KCTD8: variants seen among roughly 807,000 people sequenced by gnomAD.
The protein encoded by KCTD8 is BTB/POZ domain-containing protein KCTD8.
KCTD8 carries 27 observed loss-of-function variants against 31.5 expected under a neutral mutation model. The ratio of observed to expected loss-of-function variants is 0.86; its 90% CI spans 0.63 to 1.18. KCTD8 has a LOEUF of 1.18. Among genes scored for constraint, KCTD8 ranks in the 50% most tolerant of loss-of-function variants. KCTD8 has a pLI of 0.00. For missense variants in KCTD8, 658 were observed against 647.7 expected, an observed-to-expected ratio of 1.02 and a Z score of -0.17; for synonymous variants, 290 against 280.0, an observed-to-expected ratio of 1.04 and a Z score of -0.36.
intron 1 of KCTD8, among the ~76,000 whole-genome samples, chr4:44,175,867 T>C (rs1352205849): frequency 6.6e-6 from 1 of 152,226 alleles, no homozygotes; most frequent in Non-Finnish European, 1.5e-5. Context: ...CTATAAGATA[T>C]ATAGGGGCCT....
At chr4:44,308,840 T>C (rs1717876400) in intron 1 of KCTD8, among the ~76,000 whole-genome samples, 1 of 152,070 alleles carries the variant, frequency 6.6e-6, no homozygotes. Context: ...CCATATATCT[T>C]TTACAGTATA....
rs114633948 is a variant in KCTD8, at chr4:44,243,978, C to T, written c.962-68728G>A. ...CCTCCAGCCTTGCAGTAATGGACTT[C>T]GGAAGATGGCTTCACTTTACTCCCC... On this transcript the variant is annotated intron_variant, in intron 1 of 1. Coordinates refer to ENST00000360029, the MANE Select transcript of KCTD8 (RefSeq NM_198353.3). Among the ~76,000 whole-genome samples the T allele has an allele frequency of 3.5e-3, 528 of 152,262 alleles. 4 individuals are homozygous for T. Among genetic ancestry groups the T allele is most frequent in the African/African-American group, 0.012 (488 of 41,546 alleles).
chr4:44,194,567 T>C lies in KCTD8; in HGVS notation c.962-19317A>G, dbSNP rs1049233715. 6.6e-5 allele frequency among the ~76,000 whole-genome samples: 10 copies of C among 152,306 alleles called. No homozygotes were observed. The East Asian group carries it at 1.9e-3, about 29-fold the overall frequency. On this transcript the variant is annotated intron_variant, in intron 1 of 1. Coordinates refer to ENST00000360029, the MANE Select transcript of KCTD8 (RefSeq NM_198353.3). ...CAGAGTATGCTTCTGGTATGACTCA[T>C]GTGACTCATAACTTTCCTTGAAGTG...
rs955340645 is a variant in KCTD8 at position 44,399,324 on chromosome 4, A to T, written c.961+48239T>A. 2.0e-5 allele frequency among the ~76,000 whole-genome samples: 3 copies of T among 152,198 alleles called. No individual in the cohort carries two copies. The South Asian group carries it at 6.2e-4, about 31-fold the overall frequency. On this transcript the variant is annotated intron_variant, in intron 1 of 1. Coordinates refer to ENST00000360029, the MANE Select transcript of KCTD8 (RefSeq NM_198353.3). ...CAACTAGGTTTTGGAAGTGAAGGGAATAAGTGAAATAGCAGTGGAGAGAGA... is the reference window on the plus strand; with the variant it reads ...CAACTAGGTTTTGGAAGTGAAGGGATTAAGTGAAATAGCAGTGGAGAGAGA...
At chr4:44,400,130 C>T (rs1379532253) in intron 1 of KCTD8, among the ~76,000 whole-genome samples, 1 of 152,142 alleles carries the variant, frequency 6.6e-6, no homozygotes, top group East Asian at 1.9e-4. Flanking sequence ...TATTTCATTA[C>T]TAGAAGAAAA....
intron 1 of KCTD8, among the ~76,000 whole-genome samples, chr4:44,224,922 T>A (rs906980659): frequency 1.8e-4 from 27 of 152,050 alleles, no homozygotes; most frequent in African/African-American, 5.3e-4. Flanking sequence ...CTTAACCCCC[T>A]CAGCCAAGGA....
At chr4:44,379,379 C>T (rs886340542) in intron 1 of KCTD8, among the ~76,000 whole-genome samples, 2 of 152,020 alleles carry the variant, frequency 1.3e-5, no homozygotes, top group African/African-American at 4.8e-5. Context: ...AGTGAACACA[C>T]CTTGGAATTA....
chr4:44,230,579 T>A (rs1715093038), intron 1 of KCTD8, among the ~76,000 whole-genome samples: 1 of 152,220 alleles, frequency 6.6e-6, no homozygotes, highest in South Asian at 2.1e-4. Context: ...GGTATTTTAC[T>A]GGAGATCCAT....
At chr4:44,240,981 C>G (rs2109357009) in intron 1 of KCTD8, among the ~76,000 whole-genome samples, 1 of 152,316 alleles carries the variant, frequency 6.6e-6, no homozygotes, top group African/African-American at 2.4e-5. Context: ...CAGGCAGAAT[C>G]ACAGATGGTT....
At chr4:44,205,587 C>G (rs539482100) in intron 1 of KCTD8, among the ~76,000 whole-genome samples, 9 of 152,024 alleles carry the variant, frequency 5.9e-5, no homozygotes, top group Admixed American at 5.9e-4. Context: ...AACTCAGAAA[C>G]AATAAAAATA....
At chr4:44,369,104 G>A (rs566562943) in intron 1 of KCTD8, among the ~76,000 whole-genome samples, 1 of 152,154 alleles carries the variant, frequency 6.6e-6, no homozygotes, top group African/African-American at 2.4e-5. Context: ...TCTGGTTAAG[G>A]GGAAAAAGTC....
intron 1 of KCTD8, among the ~76,000 whole-genome samples, chr4:44,248,862 T>C (rs937887719): frequency 6.6e-6 from 1 of 151,806 alleles, no homozygotes; most frequent in African/African-American, 2.4e-5. Context: ...TCCTCCCCTC[T>C]GGAGAACCTG....
intron 1 of KCTD8, among the ~76,000 whole-genome samples, chr4:44,294,073 A>G (rs1717361080): frequency 6.6e-6 from 1 of 152,226 alleles, no homozygotes; most frequent in South Asian, 2.1e-4. Context: ...AGGTTTAACG[A>G]AATTGACAAT....
At chr4:44,187,430 A>G (rs576792266) in intron 1 of KCTD8, among the ~76,000 whole-genome samples, 3 of 152,260 alleles carry the variant, frequency 2.0e-5, no homozygotes, top group Non-Finnish European at 4.4e-5. Flanking sequence ...CAAAAACTCC[A>G]CACAAAGATG....
At chr4:44,394,949 G>A (rs913893816) in intron 1 of KCTD8, among the ~76,000 whole-genome samples, 6 of 152,074 alleles carry the variant, frequency 3.9e-5, no homozygotes, top group African/African-American at 1.4e-4. Flanking sequence ...TTTCCTTCAT[G>A]ATGGTCCTTC....
intron 1 of KCTD8, among the ~76,000 whole-genome samples, chr4:44,192,424 G>GA (rs981257501): frequency 5.2e-4 from 75 of 144,986 alleles, no homozygotes; most frequent in Middle Eastern, 3.6e-3. Flanking sequence ...GTCCTGAGGG[G>GA]AAAAAAAAAA....
At chr4:44,385,251 C>T (rs538871805) in intron 1 of KCTD8, among the ~76,000 whole-genome samples, 3 of 151,422 alleles carry the variant, frequency 2.0e-5, no homozygotes, top group Non-Finnish European at 4.4e-5. Flanking sequence ...TCTCATGGGA[C>T]CTAAATAACC....
At chr4:44,396,568 C>G (rs1202777684) in intron 1 of KCTD8, among the ~76,000 whole-genome samples, 2 of 151,340 alleles carry the variant, frequency 1.3e-5, no homozygotes, top group Non-Finnish European at 2.9e-5. Flanking sequence ...GTTTTTTTCT[C>G]ATTAACATAA....
At chr4:44,443,931 A>G (rs917903579) in intron 1 of KCTD8, among the ~76,000 whole-genome samples, 3 of 152,312 alleles carry the variant, frequency 2.0e-5, no homozygotes, top group African/African-American at 7.2e-5. Context: ...ACATCTCTTA[A>G]AAACAGAAAG....
Sources: allele counts gnomAD v4.1 joint callset (sites outside exome capture counted in the v4.1 genomes callset), GRCh38; gene constraint gnomAD v4.1.1; transcripts MANE v1.5; gene names NCBI Gene and HGNC (gene_info 2026-07-23, HGNC 2026-07-21).